ZNF844: variants seen among roughly 807,000 people sequenced by gnomAD.
The protein encoded by ZNF844 is zinc finger protein 844.
ZNF844 carries 11 observed loss-of-function variants against 11.4 expected under a neutral mutation model. The observed-to-expected ratio is 0.97, with a 90% CI of 0.61 to 1.60. ZNF844 has a LOEUF of 1.60. ZNF844 is among the 40% of genes most tolerant of loss of function. The pLI is 0.00. For synonymous variants in ZNF844, 248 were observed against 260.3 expected (o/e 0.95, Z 0.46); for missense variants, 790 against 796.8 (o/e 0.99, Z 0.10).
intron 1 of ZNF844, among the ~76,000 whole-genome samples, chr19:12,065,096 C>T (rs1975673292): frequency 6.6e-6 from 1 of 151,906 alleles, no homozygotes; most frequent in African/African-American, 2.4e-5. Context: ...GTCTCGTCGC[C>T]GCGCGGCGAC....
chr19:12,067,126 G>T (rs58824531), intron 1 of ZNF844, among the ~76,000 whole-genome samples: 21,108 of 151,944 alleles, frequency 0.14, 2,307 homozygotes, highest in African/African-American at 0.31. Context: ...CTTGAACCCG[G>T]GAGGTGGAGT....
At position 12,069,911 on chromosome 19, in the gene ZNF844, C is replaced by T. The variant is rs552290030; in HGVS notation, c.4-4120C>T. ...CGGAGGTTGCGGAGAGCCAAGTTTG[C>T]GCCAACTGCACTGTAGCCTGGACAA... On this transcript the variant is annotated intron_variant, in intron 1 of 3. Transcript: ENST00000439326. Among the ~76,000 whole-genome samples the T allele has an allele frequency of 4.1e-5, 6 of 146,912 alleles. 2 individuals are homozygous for T. The highest frequency in any genetic ancestry group is 1.5e-4 in the African/African-American group (6 of 39,422).
intron 1 of ZNF844, among the ~76,000 whole-genome samples, chr19:12,069,591 C>G (rs553479326): frequency 1.4e-5 from 2 of 148,000 alleles, no homozygotes; most frequent in Non-Finnish European, 3.0e-5. Context: ...TTTTTTTTTA[C>G]AGAGAGGAGA....
Position 12,081,054 on chromosome 19 carries a change from C to T in ZNF844, c.*3933C>T, listed in dbSNP as rs1975892174. Reference sequence around the variant, plus strand: ...ATAGGCGTGATCCACTGTGCCTGGCCTGGTGTTTCTTTAGGTATAATGTCT... The same window carrying T: ...ATAGGCGTGATCCACTGTGCCTGGCTTGGTGTTTCTTTAGGTATAATGTCT... On this transcript the variant is annotated 3_prime_UTR_variant, in exon 4 of 4. Coordinates refer to ENST00000439326, the MANE Select transcript of ZNF844 (RefSeq NM_001136501.3). 1 of 152,238 alleles carries T rather than the reference C, an allele frequency of 6.6e-6. No individual in the cohort carries two copies. The highest frequency in any genetic ancestry group is 2.4e-5 in the African/African-American group (1 of 41,440). 9.4% of individuals were successfully genotyped at this position (152,238 alleles called of 1,614,324 possible).
At position 12,079,290 on chromosome 19, in the gene ZNF844, A is replaced by G. The variant is rs1025861394; in HGVS notation, c.*2169A>G. 7.2e-5 allele frequency: 11 copies of G among 152,234 alleles called. No homozygotes were observed. The highest frequency in any genetic ancestry group is 2.7e-4 in the African/African-American group (11 of 41,466). 9.4% of individuals were successfully genotyped at this position (152,234 alleles called of 1,614,324 possible). A position where few individuals can be genotyped will look rare whatever the true frequency, so the allele number is the denominator to read the frequency against. The stretch of plus-strand genomic sequence containing the variant: ...AACTCGCTGAAGAGAAACCCTGTAA[A>G]TGAAGGGAATGTGAAAAGCCTTCAT... On this transcript the variant is annotated 3_prime_UTR_variant, in exon 4 of 4. Coordinates refer to ENST00000439326, the MANE Select transcript of ZNF844 (RefSeq NM_001136501.3).
chr19:12,068,819 C>T (rs1273287488), intron 1 of ZNF844, among the ~76,000 whole-genome samples: 1 of 152,120 alleles, frequency 6.6e-6, no homozygotes, highest in Admixed American at 6.6e-5. Flanking sequence ...AGGGATTTTG[C>T]TAGATTCTTC....
rs1033486609 is a variant in ZNF844, at chr19:12,078,286, T to G, written c.*1165T>G. ...GGATTACAGGTGTGCACCACCACAC[T>G]TGGCTAATTTTTATATTTTTAGTAG... On this transcript the variant is annotated 3_prime_UTR_variant, in exon 4 of 4. Coordinates refer to ENST00000439326, the MANE Select transcript of ZNF844 (RefSeq NM_001136501.3). 3.9e-5 allele frequency: 6 copies of G among 152,128 alleles called. No homozygotes were observed. The highest frequency in any genetic ancestry group is 1.4e-4 in the African/African-American group (6 of 41,400). The allele number at this position is 152,128 out of a possible 1,614,324, so 9.4% of individuals were successfully genotyped here. A position where few individuals can be genotyped will look rare whatever the true frequency, so the allele number is the denominator to read the frequency against.
At position 12,077,428 on chromosome 19, in the gene ZNF844, A is replaced by G; in HGVS notation, c.*307A>G. 1 of 648,972 alleles carries G rather than the reference A, an allele frequency of 1.5e-6. No homozygotes were observed. Among genetic ancestry groups the G allele is most frequent in the African/African-American group, 1.8e-5 (1 of 55,468 alleles). 40.2% of individuals were successfully genotyped at this position (648,972 alleles called of 1,614,324 possible). A position where few individuals can be genotyped will look rare whatever the true frequency, so the allele number is the denominator to read the frequency against. On this transcript the variant is annotated 3_prime_UTR_variant, in exon 4 of 4. Transcript: ENST00000439326. ...GCCTTCATGTCTTCTACTGCATTTC[A>G]GTATCATGAAAAGACCCACACCAGA...
intron 1 of ZNF844, among the ~76,000 whole-genome samples, chr19:12,071,050 C>CTGAA (rs1348186329): frequency 1.3e-5 from 2 of 152,154 alleles, no homozygotes; most frequent in Non-Finnish European, 2.9e-5. Context: ...AGGAGCCTCA[C>CTGAA]TGAAGTATGA....
chr19:12,076,430 T>C lies in ZNF844; in HGVS notation c.1310T>C (p.Ile437Thr), dbSNP rs776448869. The C allele has an allele frequency of 1.9e-6, 3 of 1,611,836 alleles. No homozygotes were observed. Among genetic ancestry groups the C allele is most frequent in the Admixed American group, 1.7e-5 (1 of 59,854 alleles). ...TCATTTCTTCCACTTCCTTTCGATA[T>C]CATGAAAGGACTCACACTGGAGAGA... ...KPSFLPLPFD[I>T]MKGLTLERNR... The change falls in exon 4 of 4, where the codon ATC (isoleucine) becomes ACC (threonine). Residue 437 changes from isoleucine (I) to threonine (T), a missense_variant. By Grantham distance (89) the Ile-to-Thr change is moderately conservative. Around this residue, in one of 3 missense-constraint regions of ZNF844, gnomAD observed 657 missense variants for 636.2 expected, o/e 1.03. Transcript: ENST00000439326.
In ZNF844 at chr19:12,075,993, A is replaced by T; in HGVS notation, c.873A>T (p.Arg291Ser). ...GCAAACAATGTGGAAAAGCCTTCAG[A>T]TGGTTCCATTCCTTTCAAATACATG... Reference protein sequence around the residue: ...YECKQCGKAFRWFHSFQIHER... With the variant: ...YECKQCGKAFSWFHSFQIHER... Residue 291 changes from arginine to serine, a missense_variant, in exon 4 of 4, where the codon AGA (arginine) becomes AGT (serine). Coordinates refer to ENST00000439326, the MANE Select transcript of ZNF844 (RefSeq NM_001136501.3). 6.3e-7 allele frequency: 1 copy of T among 1,583,778 alleles called. No homozygotes were observed. Among genetic ancestry groups the T allele is most frequent in the East Asian group, 2.3e-5 (1 of 42,996 alleles).
chr19:12,076,990 A>T lies in ZNF844; in HGVS notation c.1870A>T (p.Ile624Phe). The part of the protein sequence containing the change: ...MNVRNAEKRS[I>F]IFLLCVYTKG... ...TGTAAGGAATGCGGAAAAGCGTTCA[A>T]TTATTTTTCTTCTTTGCGTATACAC... The change falls in exon 4 of 4, where the codon ATT (isoleucine) becomes TTT (phenylalanine). Residue 624 changes from isoleucine to phenylalanine, a missense_variant. Physicochemically the swap from Ile to Phe is conservative, Grantham distance 21 (BLOSUM62 0). Transcript: ENST00000439326. 6.3e-7 allele frequency: 1 copy of T among 1,599,622 alleles called. No homozygotes were observed. Among genetic ancestry groups the T allele is most frequent in the African/African-American group, 1.3e-5 (1 of 74,202 alleles).
chr19:12,067,607 C>CAA (rs772282496), intron 1 of ZNF844, among the ~76,000 whole-genome samples: 1,347 of 37,278 alleles, frequency 0.036, 143 homozygotes, highest in Non-Finnish European at 0.046. Context: ...AACTCTGTCT[C>CAA]AAAAAAAAAA....
chr19:12,077,022 ATGCACAC>A lies in ZNF844; in HGVS notation c.1905_1911del (p.Cys635TrpfsTer8). 3 of 1,596,956 alleles carry A rather than the reference ATGCACAC, an allele frequency of 1.9e-6. No homozygotes were observed. Among genetic ancestry groups the A allele is most frequent in the Non-Finnish European group, 2.6e-6 (3 of 1,171,012 alleles). ...TTCTTCTTTGCGTATACACAAAAGGATGCACACTGGAGAGAAACCATATTAATGTAAG... is the reference window on the plus strand; with the variant it reads ...TTCTTCTTTGCGTATACACAAAAGGATGGAGAGAAACCATATTAATGTAAG... On this transcript the variant is annotated frameshift_variant, in exon 4 of 4. Transcript: ENST00000439326. LOFTEE classifies it low-confidence loss of function (END_TRUNC).
At position 12,075,830 on chromosome 19, in the gene ZNF844, CA is replaced by C; in HGVS notation, c.712del (p.Thr238LeufsTer92). 4 of 1,610,384 alleles carry C rather than the reference CA, an allele frequency of 2.5e-6. No individual in the cohort carries two copies. The highest frequency in any genetic ancestry group is 3.4e-6 in the Non-Finnish European group (4 of 1,178,382). On this transcript the variant is annotated frameshift_variant, in exon 4 of 4. Transcript: ENST00000439326. LOFTEE classifies it low-confidence loss of function (END_TRUNC). ...CKQCGKAFSY[S>X]TSLQIHERTH... is the part of the protein sequence containing the mutation. ...CAATGTGGTAAAGCCTTTAGTTATT[CA>C]ACTTCCCTTCAAATACATGAAAGAA...
chr19:12,073,389 C>T (rs947460791), intron 1 of ZNF844, among the ~76,000 whole-genome samples: 48 of 152,224 alleles, frequency 3.2e-4, no homozygotes, highest in African/African-American at 1.1e-3. Context: ...CTCCTGATCT[C>T]AAGCGATCCG....
chr19:12,077,211 T>A lies in ZNF844; in HGVS notation c.*90T>A. On this transcript the variant is annotated 3_prime_UTR_variant, in exon 4 of 4. Transcript: ENST00000439326. The stretch of plus-strand genomic sequence containing the variant: ...AAGGATTCACACTGGAGAGAAACCC[T>A]ATGAGTGTAAGCAGTGTGGTAAAGC... 6.3e-7 allele frequency: 1 copy of A among 1,591,962 alleles called. No homozygotes were observed. The highest frequency in any genetic ancestry group is 8.6e-7 in the Non-Finnish European group (1 of 1,163,892).
rs61413798 is a variant in ZNF844 at position 12,080,346 on chromosome 19, CAAAAAAA to C, written c.*3239_*3245del. ...GCGGCGACAGAGCAAGACTCCGTCT[CAAAAAAA>C]AAAAAAAAAAAAAGAGAAGTCTGAC... On this transcript the variant is annotated 3_prime_UTR_variant, in exon 4 of 4. Coordinates refer to ENST00000439326, the MANE Select transcript of ZNF844 (RefSeq NM_001136501.3). The C allele has an allele frequency of 4.0e-4, 69 of 172,832 alleles. No homozygotes were observed. The highest frequency in any genetic ancestry group is 8.3e-4 in the East Asian group (3 of 3,600). The allele number at this position is 172,832 out of a possible 1,614,324, so 10.7% of individuals were successfully genotyped here. A position where few individuals can be genotyped will look rare whatever the true frequency, so the allele number is the denominator to read the frequency against.
chr19:12,076,201 A>T lies in ZNF844; in HGVS notation c.1081A>T (p.Met361Leu), dbSNP rs2145548832. The change falls in exon 4 of 4, where the codon ATG becomes TTG. Residue 361 changes from methionine to leucine, a missense_variant. By Grantham distance (15) the Met-to-Leu change is conservative (BLOSUM62 2). Coordinates refer to ENST00000439326, the MANE Select transcript of ZNF844 (RefSeq NM_001136501.3). Reference sequence around the variant, plus strand: ...AAGACACATGAAAATGCACACTAGAATGAGACCTTATAAATGTAAGACTGT... The same window carrying T: ...AAGACACATGAAAATGCACACTAGATTGAGACCTTATAAATGTAAGACTGT... ...FQRHMKMHTRMRPYKCKTVEK... is the reference protein window; with the variant it reads ...FQRHMKMHTRLRPYKCKTVEK... 2 of 1,592,770 alleles carry T rather than the reference A, an allele frequency of 1.3e-6. No homozygotes were observed. Among genetic ancestry groups the T allele is most frequent in the East Asian group, 2.3e-5 (1 of 43,602 alleles).
Sources: allele counts gnomAD v4.1 joint callset (sites outside exome capture counted in the v4.1 genomes callset), GRCh38; gene constraint gnomAD v4.1.1; regional missense constraint gnomAD v4.1.1; transcripts MANE v1.5; gene names NCBI Gene and HGNC (gene_info 2026-07-23, HGNC 2026-07-21).